The following PCLO variants were observed in gnomAD, a reference collection of about 807,000 sequenced individuals.
The protein encoded by PCLO is protein piccolo.
A neutral mutation model predicts 427.5 loss-of-function variants in PCLO; 82 were observed. The observed-to-expected ratio is 0.19, with a 90% CI of 0.16 to 0.23. PCLO has a LOEUF of 0.23. Among genes scored for constraint, PCLO ranks in the 10% least tolerant of loss-of-function variants. The pLI is 1.00. For synonymous variants in PCLO, 2,357 were observed against 2,155.4 expected (o/e 1.09, Z -2.59); for missense variants, 6,239 against 6,115.9 (o/e 1.02, Z -0.67).
At chr7:83,081,515 T>C (rs899053930) in intron 3 of PCLO, among the ~76,000 whole-genome samples, 2 of 151,904 alleles carry the variant, frequency 1.3e-5, no homozygotes, top group Non-Finnish European at 2.9e-5. Context: ...AAAAAATATC[T>C]GAAAAATTTA....
chr7:82,911,440 A>AT (rs143954227), intron 7 of PCLO, among the ~76,000 whole-genome samples: 6,325 of 150,180 alleles, frequency 0.042, 426 homozygotes, highest in African/African-American at 0.14. Context: ...GACTAACAGT[A>AT]TTTTTTTTTT....
Position 83,055,905 on chromosome 7 carries a change from A to G in PCLO, c.3300+78345T>C, listed in dbSNP as rs1014019492. Among the ~76,000 whole-genome samples, 100 of 152,224 alleles carry G rather than the reference A, an allele frequency of 6.6e-4. 1 individual carries two copies. The highest frequency in any genetic ancestry group is 2.3e-3 in the African/African-American group (95 of 41,560). ...TAACCAGAATGCTTCAAGACATCCA[A>G]CTTCTCGCTTGGGTGGGTGCTGCTA... On this transcript the variant is annotated intron_variant, in intron 3 of 24. Transcript: ENST00000333891.
intron 3 of PCLO, among the ~76,000 whole-genome samples, chr7:83,086,689 T>C (rs1445996422): frequency 6.6e-6 from 1 of 152,132 alleles, no homozygotes; most frequent in African/African-American, 2.4e-5. Context: ...CATCAACATA[T>C]ATTTTCAAAT....
intron 3 of PCLO, among the ~76,000 whole-genome samples, chr7:83,022,703 T>A (rs1398292075): frequency 6.6e-6 from 1 of 152,250 alleles, no homozygotes; most frequent in Non-Finnish European, 1.5e-5. Context: ...GAAACTATTT[T>A]AGCTGCAGGT....
intron 3 of PCLO, among the ~76,000 whole-genome samples, chr7:83,115,423 TAA>T (rs1791107092): frequency 6.6e-6 from 1 of 152,014 alleles, no homozygotes; most frequent in East Asian, 1.9e-4. Context: ...CTAAATAATA[TAA>T]GTCTAATTTT....
chr7:83,019,891 A>C (rs1788299869), intron 3 of PCLO, among the ~76,000 whole-genome samples: 1 of 152,132 alleles, frequency 6.6e-6, no homozygotes, highest in Non-Finnish European at 1.5e-5. Context: ...TTATTTCAAA[A>C]GAGGCAGAGG....
intron 22 of PCLO, among the ~76,000 whole-genome samples, chr7:82,785,607 G>T (rs2129468252): frequency 6.6e-6 from 1 of 152,232 alleles, no homozygotes; most frequent in African/African-American, 2.4e-5. Flanking sequence ...AGGGTGATTG[G>T]CGCAATGATG....
At position 82,761,349 on chromosome 7, in the gene PCLO, A is replaced by G. The variant is rs941201717; in HGVS notation, c.15142+10T>C. 7.2e-7 allele frequency: 1 copy of G among 1,390,790 alleles called. No homozygotes were observed. The highest frequency in any genetic ancestry group is 9.9e-7 in the Non-Finnish European group (1 of 1,012,096). The allele number at this position is 1,390,790 out of a possible 1,614,324, so 86.2% of individuals were successfully genotyped here. On this transcript the variant is annotated intron_variant, in intron 23 of 24. Coordinates refer to ENST00000333891, the MANE Select transcript of PCLO (RefSeq NM_033026.6). ...CTAGATATATTGATGATTATAATAG[A>G]ATTAGATACCTGGTAGATGATCAGG...
At chr7:82,902,832 T>C (rs1794082000) in intron 8 of PCLO, 91 bp from the exon 9 acceptor site, 3 of 680,592 alleles carry the variant, frequency 4.4e-6, no homozygotes, top group Non-Finnish European at 7.9e-6. Context: ...TCAAAGCACA[T>C]TGATTAAATC....
In PCLO at chr7:83,038,039, TTATATA is replaced by T. The variant is rs1286620111; in HGVS notation, c.3301-71558_3301-71553del. ...TATATATATATATATATTTATATATTTATATATATATCTTTATATATATATTTATAT... is the reference window on the plus strand; with the variant it reads ...TATATATATATATATATTTATATATTTATATCTTTATATATATATTTATAT... On this transcript the variant is annotated intron_variant, in intron 3 of 24. Transcript: ENST00000333891. Among the ~76,000 whole-genome samples the T allele has an allele frequency of 3.2e-3, 75 of 23,334 alleles. 7 individuals carry two copies. The highest frequency in any genetic ancestry group is 0.018 in the African/African-American group (59 of 3,264). The allele number at this position is 23,334 out of a possible 152,430, so 15.3% of individuals were successfully genotyped here. A position where few individuals can be genotyped will look rare whatever the true frequency, so the allele number is the denominator to read the frequency against.
In PCLO at chr7:82,967,796, T is replaced by A. The variant is rs554208393; in HGVS notation, c.3301-1309A>T. Among the ~76,000 whole-genome samples the A allele has an allele frequency of 2.0e-5, 3 of 152,336 alleles. No homozygotes were observed. In the East Asian group the frequency reaches 5.8e-4, roughly 29 times the overall value. ...ATTTTTTCTTACATTATATCTATTC[T>A]AATGTTAAAAAGTAAAGGCTGTGTA... On this transcript the variant is annotated intron_variant, in intron 3 of 24. Coordinates refer to ENST00000333891, the MANE Select transcript of PCLO (RefSeq NM_033026.6).
intron 2 of PCLO, among the ~76,000 whole-genome samples, chr7:83,142,258 T>G (rs1054519873): frequency 1.3e-5 from 2 of 152,226 alleles, no homozygotes; most frequent in African/African-American, 4.8e-5. Flanking sequence ...CATCAGCTGT[T>G]AAATAAATTT....
chr7:83,138,838 A>G (rs961129681), intron 2 of PCLO, among the ~76,000 whole-genome samples: 2 of 151,886 alleles, frequency 1.3e-5, no homozygotes, highest in African/African-American at 4.8e-5. Context: ...GGGGTGGGGA[A>G]ATAGGGGGTG....
Position 82,916,015 on chromosome 7 carries a change from C to T in PCLO, c.11971G>A (p.Val3991Ile), listed in dbSNP as rs201753136. Residue 3991 changes from valine (V) to isoleucine (I), a missense_variant, in exon 7 of 25, where the codon GTT becomes ATT. Val to Ile is a conservative substitution (Grantham distance 29). Around this residue, in one of 5 missense-constraint regions of PCLO, gnomAD observed 680 missense variants for 677.3 expected, o/e 1.00. Coordinates refer to ENST00000333891, the MANE Select transcript of PCLO (RefSeq NM_033026.6). ...ACAGCAAATGTGTTATCCGTAGAAA[C>T]AGGTGCTATCATAAGGGGTTGGTTG... Reference protein sequence around the residue: ...IRNQPLMIAPVSTDNTFAVSH... With the variant: ...IRNQPLMIAPISTDNTFAVSH... 2.1e-5 allele frequency: 34 copies of T among 1,612,634 alleles called. No individual in the cohort carries two copies. Among genetic ancestry groups the T allele is most frequent in the Non-Finnish European group, 2.9e-5 (34 of 1,179,778 alleles).
At chr7:82,907,267 T>C (rs772925460) in intron 8 of PCLO, among the ~76,000 whole-genome samples, 9 of 152,002 alleles carry the variant, frequency 5.9e-5, no homozygotes, top group Admixed American at 2.0e-4. Flanking sequence ...GTTTATTATA[T>C]AGTTTATCTT....
chr7:83,123,984 A>C (rs1027161242), intron 3 of PCLO, among the ~76,000 whole-genome samples: 1 of 146,248 alleles, frequency 6.8e-6, no homozygotes. Context: ...AAAAAAAGGC[A>C]AAAGGTCTGA....
intron 6 of PCLO, among the ~76,000 whole-genome samples, chr7:82,947,260 C>CGTA (rs1237943253): frequency 6.6e-6 from 1 of 152,054 alleles, no homozygotes; most frequent in Non-Finnish European, 1.5e-5. Context: ...TTATCTTTTA[C>CGTA]AGTGTATTAT....
intron 3 of PCLO, among the ~76,000 whole-genome samples, chr7:83,038,771 A>G (rs1231968623): frequency 6.6e-6 from 1 of 151,986 alleles, no homozygotes; most frequent in Non-Finnish European, 1.5e-5. Context: ...GTCATATGGT[A>G]ACTCTACGTT....
At chr7:82,888,847 A>T (rs1184459498) in intron 9 of PCLO, among the ~76,000 whole-genome samples, 2 of 152,140 alleles carry the variant, frequency 1.3e-5, no homozygotes, top group Non-Finnish European at 2.9e-5. Context: ...AAAGGAAAGA[A>T]ACAGAGCTAA....
Sources: gnomAD v4.1 joint callset for allele counts (sites outside exome capture counted in the v4.1 genomes callset) on GRCh38, gnomAD v4.1.1 for gene constraint, gnomAD v4.1.1 regional missense constraint, MANE v1.5 for transcripts, NCBI Gene and HGNC (gene_info 2026-07-23, HGNC 2026-07-21) for gene names.